Variants in PHF20 observed in about 807,000 individuals in gnomAD.
The protein encoded by PHF20 is glioma-expressed antigen 2.
Under a neutral mutation model 113.5 loss-of-function variants are expected in PHF20, and 23 were observed. The ratio of observed to expected loss-of-function variants is 0.20; its 90% confidence interval spans 0.15 to 0.29. The LOEUF is 0.29. Among genes scored for constraint, PHF20 ranks in the 10% least tolerant of loss-of-function variants. The pLI is 1.00. For missense variants in PHF20, 943 were observed against 1,219.6 expected, an observed-to-expected ratio of 0.77 and a Z score of 3.38; for synonymous variants, 434 against 457.3, an observed-to-expected ratio of 0.95 and a Z score of 0.65.
At chr20:35,934,735 G>C (rs1482143413) in intron 15 of PHF20, among the ~76,000 whole-genome samples, 2 of 152,090 alleles carry the variant, frequency 1.3e-5, no homozygotes, top group South Asian at 2.1e-4. Flanking sequence ...AAGTAGGGGT[G>C]GGGGTGGGGA....
At chr20:35,921,970 C>G (rs945346625) in intron 13 of PHF20, among the ~76,000 whole-genome samples, 12 of 152,100 alleles carry the variant, frequency 7.9e-5, no homozygotes, top group Admixed American at 1.3e-4. Flanking sequence ...CTGGTACTTT[C>G]TCTATTGACT....
intron 8 of PHF20, among the ~76,000 whole-genome samples, chr20:35,871,389 C>T (rs1333658349): frequency 6.6e-6 from 1 of 152,142 alleles, no homozygotes; most frequent in Non-Finnish European, 1.5e-5. Context: ...GTTCGAAGAG[C>T]CCTGCTTCTC....
intron 9 of PHF20, among the ~76,000 whole-genome samples, chr20:35,892,118 C>T (rs969321844): frequency 2.0e-5 from 3 of 150,824 alleles, no homozygotes; most frequent in Non-Finnish European, 2.9e-5. Flanking sequence ...AGTACAGTGG[C>T]GTGATATTGG....
At chr20:35,900,411 C>T (rs948934237) in intron 10 of PHF20, among the ~76,000 whole-genome samples, 3 of 152,116 alleles carry the variant, frequency 2.0e-5, no homozygotes, top group Non-Finnish European at 4.4e-5. Flanking sequence ...GCAGTGTTCC[C>T]AGTAGAGTAT....
chr20:35,896,977 T>C (rs1404168089), intron 9 of PHF20, among the ~76,000 whole-genome samples: 1 of 152,036 alleles, frequency 6.6e-6, no homozygotes, highest in African/African-American at 2.4e-5. Context: ...AGTTAGCTGG[T>C]TTTTCTTGCA....
chr20:35,852,498 A>G (rs979071937), intron 4 of PHF20, among the ~76,000 whole-genome samples: 3 of 152,202 alleles, frequency 2.0e-5, no homozygotes, highest in African/African-American at 7.2e-5. Context: ...CCCAAAATGT[A>G]AAATTGCTAA....
chr20:35,867,252 A>G (rs756738822), intron 6 of PHF20, among the ~76,000 whole-genome samples: 2 of 151,780 alleles, frequency 1.3e-5, no homozygotes, highest in South Asian at 2.1e-4. Flanking sequence ...AGGGTTGTTT[A>G]TATATATTTT....
intron 9 of PHF20, among the ~76,000 whole-genome samples, chr20:35,872,249 G>A (rs905235583): frequency 5.9e-5 from 9 of 151,520 alleles, no homozygotes; most frequent in East Asian, 1.9e-4. Context: ...CTGGCTGGGC[G>A]CGATGGCTCA....
At chr20:35,884,711 A>G (rs1041514211) in intron 9 of PHF20, among the ~76,000 whole-genome samples, 1 of 152,248 alleles carries the variant, frequency 6.6e-6, no homozygotes, top group African/African-American at 2.4e-5. Context: ...TTTCAGATTT[A>G]TAAAAAAGTT....
chr20:35,943,527 AT>A (rs2056029027), intron 17 of PHF20, among the ~76,000 whole-genome samples: 1 of 150,448 alleles, frequency 6.6e-6, no homozygotes, highest in Non-Finnish European at 1.5e-5. Context: ...CTAGTAAGCT[AT>A]TATATGAAAT....
Position 35,858,288 on chromosome 20 carries a change from T to A in PHF20, c.341-14T>A, listed in dbSNP as rs1212887013. 7.3e-7 allele frequency: 1 copy of A among 1,373,288 alleles called. No individual in the cohort carries two copies. Among genetic ancestry groups the A allele is most frequent in the South Asian group, 1.2e-5 (1 of 82,642 alleles). The allele number at this position is 1,373,288 out of a possible 1,614,324, so 85.1% of individuals were successfully genotyped here. On this transcript the variant is annotated splice_polypyrimidine_tract_variant and intron_variant, in intron 4 of 17. Coordinates refer to ENST00000374012, the MANE Select transcript of PHF20 (RefSeq NM_016436.5). Reference sequence around the variant, plus strand: ...AATTGTGAGTTAAAATCATGATATCTTCTTGAATTTTAGGTACTTACACTG... The same window carrying A: ...AATTGTGAGTTAAAATCATGATATCATCTTGAATTTTAGGTACTTACACTG...
intron 9 of PHF20, among the ~76,000 whole-genome samples, chr20:35,894,028 G>C (rs183098799): frequency 1.3e-5 from 2 of 152,276 alleles, no homozygotes; most frequent in Middle Eastern, 3.4e-3. Flanking sequence ...AAATCTTTAG[G>C]TGTCATAGTA....
intron 3 of PHF20, chr20:35,845,592 T>C (rs1160596055): frequency 6.3e-6 from 1 of 157,608 alleles, no homozygotes; most frequent in Non-Finnish European, 1.4e-5. Context: ...GGTCTTGAAC[T>C]CCTGGCCTTA....
At chr20:35,778,318 A>G (rs1226969922) in intron 1 of PHF20, among the ~76,000 whole-genome samples, 1 of 152,160 alleles carries the variant, frequency 6.6e-6, no homozygotes, top group East Asian at 1.9e-4. Flanking sequence ...TTCTTGATAA[A>G]CATTCTTTAA....
chr20:35,912,040 A>G (rs6060678), intron 10 of PHF20, among the ~76,000 whole-genome samples: 39,141 of 147,598 alleles, frequency 0.27, 6,092 homozygotes, highest in African/African-American at 0.45. Flanking sequence ...GAGTGCAATG[A>G]CATGATCTCG....
rs549776936 is a variant in PHF20, at chr20:35,907,350, G to A, written c.1562-5899G>A. 5.3e-5 allele frequency among the ~76,000 whole-genome samples: 8 copies of A among 152,286 alleles called. No homozygotes were observed. In the East Asian group the frequency reaches 9.7e-4, roughly 18 times the overall value. On this transcript the variant is annotated intron_variant, in intron 10 of 17. Transcript: ENST00000374012. The stretch of plus-strand genomic sequence containing the variant: ...CCATCCTGGAGGAAAGCCTCACCCT[G>A]CTTAGGTGACAAGCTGCTCTCTGAT...
chr20:35,863,124 A>G lies in PHF20; in HGVS notation c.532A>G (p.Lys178Glu). Residue 178 changes from lysine to glutamate, a missense_variant, in exon 6 of 18, where the codon AAA becomes GAA. By Grantham distance (56) the Lys-to-Glu change is moderately conservative (BLOSUM62 1). Transcript: ENST00000374012. ...EQRKATVNVK[K>E]DKEDKPLKTE... is the part of the protein sequence containing the mutation. ...GAGAAAAGCAACAGTGAATGTGAAG[A>G]AAGACAAAGAAGATAAACCCTTAAA... The G allele has an allele frequency of 6.2e-7, 1 of 1,613,828 alleles. No individual in the cohort carries two copies. Among genetic ancestry groups the G allele is most frequent in the East Asian group, 2.2e-5 (1 of 44,880 alleles).
intron 10 of PHF20, among the ~76,000 whole-genome samples, chr20:35,903,419 T>G (rs1366597348): frequency 6.6e-6 from 1 of 152,062 alleles, no homozygotes; most frequent in East Asian, 1.9e-4. Flanking sequence ...ATTGATCAAT[T>G]TAGCAGCAGA....
At chr20:35,888,317 A>G (rs2054777145) in intron 9 of PHF20, among the ~76,000 whole-genome samples, 1 of 152,008 alleles carries the variant, frequency 6.6e-6, no homozygotes, top group Non-Finnish European at 1.5e-5. Flanking sequence ...TTTGTGGACC[A>G]TTTTTCTCTG....
Sources: allele counts gnomAD v4.1 joint callset (sites outside exome capture counted in the v4.1 genomes callset), GRCh38; gene constraint gnomAD v4.1.1; transcripts MANE v1.5; gene names NCBI Gene and HGNC (gene_info 2026-07-23, HGNC 2026-07-21).